DRC8: variants seen among roughly 807,000 people sequenced by gnomAD.
DRC8 encodes the protein dynein regulatory complex subunit 8, also known as dynein regulatory complex protein 8.
the DRC8 span, among the ~76,000 whole-genome samples, chr1:245,090,351 A>T: frequency 6.6e-6 from 1 of 152,182 alleles, no homozygotes; most frequent in African/African-American, 2.4e-5. Flanking sequence ...GAGTGATAAT[A>T]TGTTTCCCTT....
chr1:245,045,810 G>C, the DRC8 span, among the ~76,000 whole-genome samples: 1 of 152,010 alleles, frequency 6.6e-6, no homozygotes, highest in African/African-American at 2.4e-5. Context: ...TTCAGAGGCC[G>C]GAGTGAACAA....
At chr1:245,102,307 G>A in the DRC8 span, among the ~76,000 whole-genome samples, 1 of 151,806 alleles carries the variant, frequency 6.6e-6, no homozygotes, top group East Asian at 1.9e-4. Context: ...TGAATCCATT[G>A]TAATAATCAG....
At chr1:245,049,537 A>G in the DRC8 span, among the ~76,000 whole-genome samples, 1 of 152,226 alleles carries the variant, frequency 6.6e-6, no homozygotes, top group African/African-American at 2.4e-5. The surrounding 1 kb of genome is among the most constrained non-coding windows in gnomAD (Gnocchi z 4.5). Context: ...TACTCATGAC[A>G]TGTATGTATG....
the DRC8 span, among the ~76,000 whole-genome samples, chr1:245,097,792 T>TG: frequency 6.6e-6 from 1 of 151,838 alleles, no homozygotes; most frequent in Non-Finnish European, 1.5e-5. This position sits in a 1 kb window ranked among gnomAD's most constrained non-coding sequence, Gnocchi z 5.0. Context: ...TGAAGGGGCA[T>TG]GGGGAAAGGG....
the DRC8 span, among the ~76,000 whole-genome samples, chr1:245,026,953 A>G: frequency 6.6e-6 from 1 of 152,214 alleles, no homozygotes; most frequent in African/African-American, 2.4e-5. Context: ...TGTTTCTGCA[A>G]TGCTTTCTTG....
the DRC8 span, among the ~76,000 whole-genome samples, chr1:244,990,296 A>G: frequency 6.6e-6 from 1 of 152,222 alleles, no homozygotes; most frequent in Non-Finnish European, 1.5e-5. Context: ...GTATGTTGTT[A>G]TGATTATTCT....
At chr1:245,073,697 A>G in the DRC8 span, among the ~76,000 whole-genome samples, 1 of 152,180 alleles carries the variant, frequency 6.6e-6, no homozygotes, top group Admixed American at 6.5e-5. Flanking sequence ...GCTAAAATAT[A>G]TATATACATG....
the DRC8 span, among the ~76,000 whole-genome samples, chr1:245,031,345 T>A: frequency 6.6e-6 from 1 of 152,084 alleles, no homozygotes; most frequent in African/African-American, 2.4e-5. Flanking sequence ...CTGGGAATTA[T>A]GGTCTAGCTA....
the DRC8 span, among the ~76,000 whole-genome samples, chr1:245,036,766 A>G: frequency 0.28 from 43,251 of 152,124 alleles, 6,407 homozygotes; most frequent in Middle Eastern, 0.35. Flanking sequence ...TGACATTTAT[A>G]TGAAATGTCT....
chr1:244,980,705 G>A, the DRC8 span, among the ~76,000 whole-genome samples: 1 of 152,328 alleles, frequency 6.6e-6, no homozygotes, highest in Non-Finnish European at 1.5e-5. Context: ...TGCACATGTT[G>A]AGTTTGGGTG....
At chr1:245,051,332 TAGTG>T in the DRC8 span, among the ~76,000 whole-genome samples, 789 of 152,072 alleles carry the variant, frequency 5.2e-3, 3 homozygotes, top group African/African-American at 0.018. Context: ...TTTGAGTATG[TAGTG>T]AGTGTGATCG....
chr1:244,976,035 G>A, the DRC8 span, among the ~76,000 whole-genome samples: 14 of 151,648 alleles, frequency 9.2e-5, no homozygotes, highest in East Asian at 1.9e-4. Context: ...TTGGGAGGCC[G>A]AGGTGGGGAG....
the DRC8 span, among the ~76,000 whole-genome samples, chr1:245,044,500 C>T: frequency 6.6e-6 from 1 of 151,822 alleles, no homozygotes; most frequent in Non-Finnish European, 1.5e-5. Flanking sequence ...TTTATTTTAT[C>T]ATTTATTTAT....
the DRC8 span, among the ~76,000 whole-genome samples, chr1:245,097,001 A>G: frequency 6.6e-6 from 1 of 152,218 alleles, no homozygotes; most frequent in Non-Finnish European, 1.5e-5. The surrounding 1 kb of genome is among the most constrained non-coding windows in gnomAD (Gnocchi z 5.0). Context: ...CAAAGTGTTC[A>G]GTAAATATCT....
At chr1:245,051,693 G>A in the DRC8 span, among the ~76,000 whole-genome samples, 2 of 152,138 alleles carry the variant, frequency 1.3e-5, no homozygotes, top group Admixed American at 6.5e-5. Flanking sequence ...ATAGAGTGGC[G>A]AAGCACCTAT....
At chr1:245,083,316 G>A in the DRC8 span, 1 of 813,818 alleles carries the variant, frequency 1.2e-6, no homozygotes, top group Non-Finnish European at 2.1e-6. Context: ...CCCTCCCCTG[G>A]TCTGTGGAAG....
At chr1:244,999,966 G>A in the DRC8 span, among the ~76,000 whole-genome samples, 3 of 152,086 alleles carry the variant, frequency 2.0e-5, no homozygotes, top group Non-Finnish European at 2.9e-5. Context: ...CTACAGGCAT[G>A]TGCCACCACA....
At chr1:245,111,826 A>G in the DRC8 span, among the ~76,000 whole-genome samples, 458 of 152,264 alleles carry the variant, frequency 3.0e-3, 9 homozygotes, top group Admixed American at 0.027. Context: ...ACTTGAGCCC[A>G]AGAGTTCAAG....
the DRC8 span, among the ~76,000 whole-genome samples, chr1:245,076,087 G>A: frequency 3.8e-3 from 584 of 152,296 alleles, 5 homozygotes; most frequent in African/African-American, 0.014. Context: ...GGCATTTTAC[G>A]GATAGGCGGC....
Sources: gnomAD v4.1 joint callset for allele counts (sites outside exome capture counted in the v4.1 genomes callset) on GRCh38, gnomAD v4.1.1 for gene constraint, Gnocchi (gnomAD v3.1) non-coding constraint, MANE v1.5 for transcripts, NCBI Gene and HGNC (gene_info 2026-07-23, HGNC 2026-07-21) for gene names.